HERC2: variants seen among roughly 807,000 people sequenced by gnomAD.
HERC2 encodes the protein HECT and RLD domain containing E3 ubiquitin protein ligase 2.
HERC2 carries 102 observed loss-of-function variants against 537.7 expected under a neutral mutation model. That is an observed-to-expected ratio of 0.19 (90% CI 0.16 to 0.22). The LOEUF (loss-of-function observed/expected upper bound fraction) is 0.22, where lower values mean the gene tolerates loss of function less well. HERC2 is among the 10% of genes least tolerant of loss of function. The pLI is 1.00. For missense variants in HERC2, 4,236 were observed against 6,198.2 expected (o/e 0.68, Z 10.63); for synonymous variants, 2,224 against 2,466.2 (o/e 0.90, Z 2.91).
Position 28,144,230 on chromosome 15 carries a change from T to C in HERC2, c.11146A>G (p.Lys3716Glu). The change falls in exon 73 of 93, where the codon AAA becomes GAA. Residue 3716 changes from lysine to glutamate, a missense_variant. Physicochemically the swap from Lys to Glu is moderately conservative, Grantham distance 56 (BLOSUM62 1). Around this residue, in one of 27 missense-constraint regions of HERC2, gnomAD observed 109 missense variants for 133.5 expected, o/e 0.82. Coordinates refer to ENST00000261609, the MANE Select transcript of HERC2 (RefSeq NM_004667.6). ...ACGCAGCGGTCAGAGAGGAGTTCTTTAGGGCCTGTGAATGAACACTGTAAA... is the reference window on the plus strand; with the variant it reads ...ACGCAGCGGTCAGAGAGGAGTTCTTCAGGGCCTGTGAATGAACACTGTAAA... The part of the protein sequence containing the change: ...VYPIMPAAGP[K>E]ELLSDRCVLS... The C allele has an allele frequency of 6.2e-7, 1 of 1,613,912 alleles. No individual in the cohort carries two copies. Among genetic ancestry groups the C allele is most frequent in the Non-Finnish European group, 8.5e-7 (1 of 1,180,018 alleles).
chr15:28,238,791 G>C lies in HERC2; in HGVS notation c.3578-19C>G. 3.2e-6 allele frequency: 5 copies of C among 1,568,348 alleles called. No homozygotes were observed. The highest frequency in any genetic ancestry group is 4.4e-6 in the Non-Finnish European group (5 of 1,140,240). On this transcript the variant is annotated intron_variant, in intron 23 of 92. Transcript: ENST00000261609. ...AATGACTCTGTATATACAGAAACCA[G>C]AATCAGTCCATTGATCAATCAACAG... is the stretch of plus-strand genomic sequence containing the variant.
At chr15:28,183,576 A>G (rs1896024771) in intron 56 of HERC2, among the ~76,000 whole-genome samples, 1 of 152,216 alleles carries the variant, frequency 6.6e-6, no homozygotes, top group Non-Finnish European at 1.5e-5. Context: ...AAGAGTACAC[A>G]GGACAGTGTT....
chr15:28,164,320 G>C (rs531399429), intron 68 of HERC2, among the ~76,000 whole-genome samples: 60 of 152,238 alleles, frequency 3.9e-4, no homozygotes, highest in Non-Finnish European at 7.6e-4. Flanking sequence ...CCAACCAGTG[G>C]ACCCTGGAAA....
chr15:28,186,873 T>A (rs1896358557), intron 55 of HERC2, 121 bp from the exon 56 acceptor site: 1 of 580,088 alleles, frequency 1.7e-6, no homozygotes, highest in Non-Finnish European at 2.9e-6. Context: ...TTTACTTCAG[T>A]TCTGGAAATA....
chr15:28,295,230 T>C (rs1056852595), intron 3 of HERC2, among the ~76,000 whole-genome samples: 21 of 146,638 alleles, frequency 1.4e-4, no homozygotes, highest in African/African-American at 5.3e-4. Context: ...GAATACAGAA[T>C]AGAACCCAGC....
At chr15:28,240,397 G>C (rs1488344520) in intron 23 of HERC2, among the ~76,000 whole-genome samples, 1 of 152,062 alleles carries the variant, frequency 6.6e-6, no homozygotes, top group Non-Finnish European at 1.5e-5. Context: ...CCGCCTGGGC[G>C]AAAGAGCGAG....
At chr15:28,300,860 T>C (rs1472245276) in intron 2 of HERC2, among the ~76,000 whole-genome samples, 1 of 124,974 alleles carries the variant, frequency 8.0e-6, no homozygotes, top group Non-Finnish European at 1.7e-5. Context: ...AAAATTAAGG[T>C]TTTCAGTGGA....
intron 2 of HERC2, among the ~76,000 whole-genome samples, chr15:28,307,140 A>G (rs1202787100): frequency 1.3e-5 from 2 of 152,128 alleles, no homozygotes. Context: ...CGGCCTGCAA[A>G]CTTATCTATT....
chr15:28,157,990 T>C (rs528772813), intron 69 of HERC2, among the ~76,000 whole-genome samples: 14 of 152,128 alleles, frequency 9.2e-5, no homozygotes, highest in Non-Finnish European at 1.5e-4. Context: ...GCCTTCGTTA[T>C]GTACCCACTA....
chr15:28,115,700 G>A (rs914457167), intron 88 of HERC2, among the ~76,000 whole-genome samples, 159 bp from the exon 89 acceptor site: 6 of 151,184 alleles, frequency 4.0e-5, no homozygotes, highest in Admixed American at 6.6e-5. Flanking sequence ...CCTCAAGACC[G>A]CCTGTCCTGC....
intron 68 of HERC2, among the ~76,000 whole-genome samples, chr15:28,166,924 T>C (rs1328186997): frequency 1.3e-5 from 2 of 152,094 alleles, no homozygotes; most frequent in Non-Finnish European, 2.9e-5. Context: ...TTCTATACAA[T>C]ATAAAAAGAC....
chr15:28,232,325 G>A (rs1184242911), intron 30 of HERC2, among the ~76,000 whole-genome samples: 2 of 152,040 alleles, frequency 1.3e-5, no homozygotes, highest in Admixed American at 6.5e-5. Flanking sequence ...GGCAGATCAC[G>A]AGGTCAGGAG....
intron 69 of HERC2, among the ~76,000 whole-genome samples, chr15:28,160,879 C>T (rs1198027449): frequency 1.3e-5 from 2 of 152,226 alleles, no homozygotes; most frequent in Admixed American, 1.3e-4. Context: ...TGGCACCGCC[C>T]CCCGCTCAGC....
At chr15:28,217,227 T>A (rs966038181) in intron 38 of HERC2, among the ~76,000 whole-genome samples, 2 of 151,788 alleles carry the variant, frequency 1.3e-5, no homozygotes, top group Non-Finnish European at 2.9e-5. Context: ...CACTCACTCA[T>A]GCCTCCCTCA....
chr15:28,251,479 AAAAAAAAAC>A (rs2075079466), intron 20 of HERC2, among the ~76,000 whole-genome samples: 1 of 150,846 alleles, frequency 6.6e-6, no homozygotes, highest in African/African-American at 2.4e-5. Context: ...ATTAAGTAAA[AAAAAAAAAC>A]AAAAAAACAC....
At chr15:28,206,689 T>A (rs373090493) in intron 44 of HERC2, among the ~76,000 whole-genome samples, 1 of 150,796 alleles carries the variant, frequency 6.6e-6, no homozygotes, top group Non-Finnish European at 1.5e-5. Flanking sequence ...AAACATTAGC[T>A]GGGCATGGTG....
At chr15:28,276,741 AAAAAAC>A (rs924419096) in intron 5 of HERC2, among the ~76,000 whole-genome samples, 3 of 151,048 alleles carry the variant, frequency 2.0e-5, no homozygotes, top group African/African-American at 5.0e-5. Flanking sequence ...TGTCTCAAAA[AAAAAAC>A]AAAAACAAAA....
At chr15:28,267,298 TGC>T (rs1342075925) in intron 12 of HERC2, among the ~76,000 whole-genome samples, 1 of 152,230 alleles carries the variant, frequency 6.6e-6, no homozygotes, top group Non-Finnish European at 1.5e-5. Flanking sequence ...CTCCAGCTTC[TGC>T]CATCTGCACT....
intron 67 of HERC2, 79 bp downstream of exon 67, chr15:28,168,328 T>C: frequency 1.4e-6 from 2 of 1,387,554 alleles, no homozygotes; most frequent in South Asian, 2.6e-5. Context: ...CTAAACTAAA[T>C]GACACAATGA....
Sources: allele counts gnomAD v4.1 joint callset (sites outside exome capture counted in the v4.1 genomes callset), GRCh38; gene constraint gnomAD v4.1.1; regional missense constraint gnomAD v4.1.1; transcripts MANE v1.5; gene names NCBI Gene and HGNC (gene_info 2026-07-23, HGNC 2026-07-21).